The following SLCO4A1 variants were observed in gnomAD, a reference collection of about 807,000 sequenced individuals.
The protein encoded by SLCO4A1 is solute carrier organic anion transporter family member 4A1.
A neutral mutation model predicts 64.6 loss-of-function variants in SLCO4A1; 51 were observed. That is an observed-to-expected ratio of 0.79 (90% CI 0.63 to 1.00). SLCO4A1 has a LOEUF of 1.00. Ranked by LOEUF, SLCO4A1 falls within the 50% of genes least tolerant of loss-of-function variation. The probability of loss-of-function intolerance (pLI) is 0.00; values close to 1 mark genes in which losing one functional copy is unlikely to be tolerated. For synonymous variants in SLCO4A1, 471 were observed against 444.9 expected (o/e 1.06, Z -0.74); for missense variants, 919 against 980.5 (o/e 0.94, Z 0.84).
chr20:62,655,289 C>G (rs572821020), intron 1 of SLCO4A1, among the ~76,000 whole-genome samples: 2 of 139,416 alleles, frequency 1.4e-5, no homozygotes, highest in Non-Finnish European at 3.2e-5. Flanking sequence ...ACAGCAGCCC[C>G]GGGAAGGACC....
intron 1 of SLCO4A1, among the ~76,000 whole-genome samples, chr20:62,653,121 T>C (rs1342516547): frequency 6.6e-6 from 1 of 152,232 alleles, no homozygotes; most frequent in African/African-American, 2.4e-5. Context: ...CCAGCGGGAT[T>C]CTTCACAGCA....
At chr20:62,667,140 G>T (rs1986501439) in intron 7 of SLCO4A1, among the ~76,000 whole-genome samples, 1 of 152,380 alleles carries the variant, frequency 6.6e-6, no homozygotes, top group East Asian at 1.9e-4. Context: ...GGTGGACGGG[G>T]TCACTACGCT....
intron 2 of SLCO4A1, 140 bp downstream of exon 2, chr20:62,657,390 G>C (rs1203690389): frequency 1.2e-6 from 1 of 841,712 alleles, no homozygotes; most frequent in Non-Finnish European, 1.8e-6. Flanking sequence ...TGCTGCAAGA[G>C]TTGGCAGGGG....
In SLCO4A1 at chr20:62,667,901, C is replaced by T. The variant is rs138089582; in HGVS notation, c.1629C>T (p.Asp543=). ...GCPAATETNV[D]GQKVYRDCSC... is the part of the protein sequence containing the mutation. ...CTGCAGCCACGGAGACGAATGTGGA[C>T]GGCCAGAAGGTGAGTGGAGCCGCTG... Residue 543 remains aspartate (D), a synonymous_variant, in exon 8 of 12, where the codon GAC becomes GAT. Coordinates refer to ENST00000217159, the MANE Select transcript of SLCO4A1 (RefSeq NM_016354.4). 5.4e-4 allele frequency: 865 copies of T among 1,613,962 alleles called. 7 individuals are homozygous for T. Among genetic ancestry groups the T allele is most frequent in the African/African-American group, 3.4e-3 (256 of 75,056 alleles).
downstream of SLCO4A1, among the ~76,000 whole-genome samples, chr20:62,690,165 C>T (rs1042777190): frequency 6.6e-6 from 1 of 152,232 alleles, no homozygotes; most frequent in Admixed American, 6.5e-5. Context: ...CACCTCTCTG[C>T]TCCAGCGGTG....
chr20:62,651,492 G>A (rs191252590), intron 1 of SLCO4A1: 8 of 152,310 alleles, frequency 5.3e-5, no homozygotes, highest in South Asian at 2.1e-4. Context: ...CATCGTCTGC[G>A]GCCGTCTGAT....
chr20:62,673,072 A>T (rs1381448956), downstream of SLCO4A1, among the ~76,000 whole-genome samples: 1 of 143,310 alleles, frequency 7.0e-6, no homozygotes, highest in Admixed American at 7.0e-5. Flanking sequence ...CTAAGTAAGG[A>T]GATAAAACAC....
intron 5 of SLCO4A1, chr20:62,663,332 A>G (rs1168526888): frequency 2.6e-5 from 4 of 152,184 alleles, no homozygotes; most frequent in Non-Finnish European, 5.9e-5. Flanking sequence ...AGTTGCGTTC[A>G]TCGGAACCAG....
intron 2 of SLCO4A1, among the ~76,000 whole-genome samples, chr20:62,682,002 G>A (rs1169284199): frequency 6.6e-6 from 1 of 152,204 alleles, no homozygotes; most frequent in Non-Finnish European, 1.5e-5. Context: ...GCCCTGGAGA[G>A]CCATCCCCTG....
At chr20:62,666,094 C>CG (rs1389662061) in intron 6 of SLCO4A1, 41 of 87,478 alleles carry the variant, frequency 4.7e-4, no homozygotes, top group African/African-American at 1.9e-3. Context: ...CTCTCCTCCT[C>CG]CCCCCGCCCC....
At chr20:62,689,396 C>G (rs1988163184), downstream of SLCO4A1, among the ~76,000 whole-genome samples, 2 of 152,250 alleles carry the variant, frequency 1.3e-5, no homozygotes, top group African/African-American at 4.8e-5. Context: ...CACACCGGTG[C>G]TCGTGCAGAA....
At chr20:62,677,288 G>A (rs966902680), downstream of SLCO4A1, among the ~76,000 whole-genome samples, 9 of 152,232 alleles carry the variant, frequency 5.9e-5, no homozygotes, top group Admixed American at 6.5e-5. Flanking sequence ...ATTTGGGGAT[G>A]TGACTTATAT....
At position 62,658,026 on chromosome 20, in the gene SLCO4A1, G is replaced by C. The variant is rs529834270; in HGVS notation, c.797-651G>C. ...GCCCCATGGCCCGTCCGACATGGCC[G>C]AGTTGACCCAGTGCACGGCCCGCCT... On this transcript the variant is annotated intron_variant, in intron 2 of 11. Coordinates refer to ENST00000217159, the MANE Select transcript of SLCO4A1 (RefSeq NM_016354.4). 2.4e-4 allele frequency among the ~76,000 whole-genome samples: 36 copies of C among 152,162 alleles called. No homozygotes were observed. In the South Asian group the frequency reaches 7.3e-3, roughly 31 times the overall value.
At chr20:62,682,649 CCACACACACACACA>C (rs10552847) in intron 2 of SLCO4A1, among the ~76,000 whole-genome samples, 3 of 150,796 alleles carry the variant, frequency 2.0e-5, no homozygotes, top group Admixed American at 6.6e-5. Flanking sequence ...GACCATGTGA[CCACACACACACACA>C]CACACACACA....
chr20:62,685,337 C>A lies in SLCO4A1; in HGVS notation n.212-104C>A. 1.9e-6 allele frequency: 1 copy of A among 522,022 alleles called. No individual in the cohort carries two copies. Among genetic ancestry groups the A allele is most frequent in the Non-Finnish European group, 2.5e-6 (1 of 406,624 alleles). 32.3% of individuals were successfully genotyped at this position (522,022 alleles called of 1,614,324 possible). Reference sequence around the variant, plus strand: ...CGACACCTTCCCCAGCTGGTCGGTGCCCAAGGGTGGGTTCGTGGGGCAACT... The same window carrying A: ...CGACACCTTCCCCAGCTGGTCGGTGACCAAGGGTGGGTTCGTGGGGCAACT... On this transcript the variant is annotated intron_variant and non_coding_transcript_variant, in intron 2 of 2. Coordinates refer to the SLCO4A1 transcript ENST00000466818. This position sits in a 1 kb window ranked among gnomAD's most constrained non-coding sequence, Gnocchi z 4.6.
At position 62,661,038 on chromosome 20, in the gene SLCO4A1, C is replaced by CCCCCAGA; in HGVS notation, c.1010-23_1010-22insCAGACCC. ...ACCTCCGGGAGCCCCCAGCCCCCAG[C>CCCCCAGA]CCCAGCTCACTCTGTGCCCTTCCAG... On this transcript the variant is annotated intron_variant, in intron 4 of 11. Coordinates refer to ENST00000217159, the MANE Select transcript of SLCO4A1 (RefSeq NM_016354.4). The surrounding 1 kb of genome is among the most constrained non-coding windows in gnomAD (Gnocchi z 5.2). 2 of 1,317,860 alleles carry CCCCCAGA rather than the reference C, an allele frequency of 1.5e-6. No homozygotes were observed. Among genetic ancestry groups the CCCCCAGA allele is most frequent in the South Asian group, 1.2e-5 (1 of 84,872 alleles). 81.6% of individuals were successfully genotyped at this position (1,317,860 alleles called of 1,614,324 possible). A position where few individuals can be genotyped will look rare whatever the true frequency, so the allele number is the denominator to read the frequency against.
chr20:62,680,573 T>G (rs1170765889), intron 2 of SLCO4A1, among the ~76,000 whole-genome samples: 3 of 148,782 alleles, frequency 2.0e-5, no homozygotes, highest in South Asian at 4.2e-4. Flanking sequence ...CTGATGGTTT[T>G]TTTTTTTTTT....
chr20:62,672,679 A>C (rs1987367650), downstream of SLCO4A1: 1 of 152,264 alleles, frequency 6.6e-6, no homozygotes, highest in Non-Finnish European at 1.5e-5. Flanking sequence ...TGCGTCCCCC[A>C]GAGCCATATG....
intron 2 of SLCO4A1, among the ~76,000 whole-genome samples, chr20:62,682,003 C>T (rs936073859): frequency 6.6e-6 from 1 of 152,206 alleles, no homozygotes; most frequent in African/African-American, 2.4e-5. Flanking sequence ...CCCTGGAGAG[C>T]CATCCCCTGA....
Sources: gnomAD v4.1 joint callset for allele counts (sites outside exome capture counted in the v4.1 genomes callset) on GRCh38, gnomAD v4.1.1 for gene constraint, Gnocchi (gnomAD v3.1) non-coding constraint, MANE v1.5 for transcripts, NCBI Gene and HGNC (gene_info 2026-07-23, HGNC 2026-07-21) for gene names.